MSRB3: variants seen among roughly 807,000 people sequenced by gnomAD.
MSRB3 encodes the protein methionine sulfoxide reductase B3, also known as methionine-R-sulfoxide reductase B3.
Under a neutral mutation model 21.0 loss-of-function variants are expected in MSRB3, and 13 were observed. The observed-to-expected ratio is 0.62, with a 90% CI of 0.40 to 0.98. MSRB3 has a LOEUF of 0.98. Among genes scored for constraint, MSRB3 ranks in the 50% least tolerant of loss-of-function variants. The probability of loss-of-function intolerance (pLI) is 0.00; values close to 1 mark genes in which losing one functional copy is unlikely to be tolerated. For synonymous variants in MSRB3, 87 were observed against 88.6 expected, an observed-to-expected ratio of 0.98 and a Z score of 0.10; for missense variants, 199 against 230.3, an observed-to-expected ratio of 0.86 and a Z score of 0.88.
intron 4 of MSRB3, among the ~76,000 whole-genome samples, chr12:65,348,228 G>C (rs562157267): frequency 1.3e-5 from 2 of 152,162 alleles, no homozygotes; most frequent in East Asian, 3.9e-4. Flanking sequence ...ACTTTTTTTG[G>C]TTGGTAAGCT....
intron 4 of MSRB3, among the ~76,000 whole-genome samples, chr12:65,365,397 C>T (rs1411104858): frequency 3.3e-5 from 5 of 152,074 alleles, no homozygotes; most frequent in African/African-American, 7.2e-5. Context: ...ACATGATTCA[C>T]GTGAGCCTTG....
intron 5 of MSRB3, 50 bp from the exon 6 acceptor site, chr12:65,453,678 G>A: frequency 7.6e-7 from 1 of 1,321,878 alleles, no homozygotes; most frequent in African/African-American, 1.5e-5. Context: ...CTAACCCAAG[G>A]CTGTGTATCT....
At chr12:65,418,198 A>G (rs1236194347) in intron 5 of MSRB3, among the ~76,000 whole-genome samples, 2 of 152,162 alleles carry the variant, frequency 1.3e-5, no homozygotes, top group Admixed American at 1.3e-4. Flanking sequence ...TCTGCCTCCC[A>G]GGTTCAAGTG....
chr12:65,348,841 T>C (rs1161835557), intron 4 of MSRB3, among the ~76,000 whole-genome samples: 1 of 152,254 alleles, frequency 6.6e-6, no homozygotes, highest in Non-Finnish European at 1.5e-5. Context: ...CATTTCGTTA[T>C]GTACCCAGTA....
intron 4 of MSRB3, among the ~76,000 whole-genome samples, chr12:65,338,427 G>A (rs1875925830): frequency 1.3e-5 from 2 of 152,224 alleles, no homozygotes; most frequent in Non-Finnish European, 2.9e-5. Context: ...ACTACTCCTG[G>A]AACTTACTTT....
intron 5 of MSRB3, among the ~76,000 whole-genome samples, chr12:65,412,601 G>T (rs539340473): frequency 6.6e-6 from 1 of 152,104 alleles, no homozygotes; most frequent in African/African-American, 2.4e-5. Flanking sequence ...AGTAGTTGTG[G>T]TTTTTGCCAT....
intron 5 of MSRB3, among the ~76,000 whole-genome samples, chr12:65,432,791 C>T (rs945780405): frequency 6.6e-6 from 1 of 151,890 alleles, no homozygotes; most frequent in African/African-American, 2.4e-5. Context: ...GATGCTGGGG[C>T]CACATGTTAG....
chr12:65,347,347 A>G (rs1417773150), intron 4 of MSRB3, among the ~76,000 whole-genome samples: 1 of 152,112 alleles, frequency 6.6e-6, no homozygotes, highest in Admixed American at 6.6e-5. Flanking sequence ...CTTTGAAGCA[A>G]TTGTGAATGG....
At chr12:65,335,555 C>G (rs901853766) in intron 4 of MSRB3, among the ~76,000 whole-genome samples, 1 of 152,210 alleles carries the variant, frequency 6.6e-6, no homozygotes, top group African/African-American at 2.4e-5. Context: ...GCATGCTATT[C>G]TGTTCACCAC....
chr12:65,296,655 C>T (rs1437020081), intron 1 of MSRB3, among the ~76,000 whole-genome samples: 1 of 152,098 alleles, frequency 6.6e-6, no homozygotes, highest in Non-Finnish European at 1.5e-5. Flanking sequence ...TACCCTAGTC[C>T]CTGGGAACTA....
chr12:65,324,259 A>T (rs1349926726), intron 2 of MSRB3, among the ~76,000 whole-genome samples: 2 of 152,218 alleles, frequency 1.3e-5, no homozygotes, highest in African/African-American at 4.8e-5. Context: ...ATTTGTGTGA[A>T]TACTGCTTTA....
At position 65,463,495 on chromosome 12, in the gene MSRB3, A is replaced by G. The variant is rs1476859755; in HGVS notation, c.*173A>G. 2.7e-6 allele frequency: 2 copies of G among 747,094 alleles called. No individual in the cohort carries two copies. The highest frequency in any genetic ancestry group is 2.8e-5 in the Admixed American group (1 of 35,464). 46.3% of individuals were successfully genotyped at this position (747,094 alleles called of 1,614,324 possible). On this transcript the variant is annotated 3_prime_UTR_variant, in exon 7 of 7. Coordinates refer to ENST00000308259, the MANE Select transcript of MSRB3 (RefSeq NM_001031679.3). ...GCCCTGGCCATCCATGTATTTTGCA[A>G]TTGACTAGATCAAGAACTGTTTATA... is the stretch of plus-strand genomic sequence containing the variant.
intron 4 of MSRB3, among the ~76,000 whole-genome samples, chr12:65,351,617 A>G (rs1876999727): frequency 6.7e-6 from 1 of 149,124 alleles, no homozygotes; most frequent in African/African-American, 2.6e-5. Context: ...ACAATAAAAA[A>G]TGATAAAGGG....
intron 5 of MSRB3, chr12:65,419,834 G>T (rs1710157073): frequency 1.3e-6 from 1 of 745,582 alleles, no homozygotes; most frequent in Admixed American, 2.0e-5. Flanking sequence ...CTCCGGCCAG[G>T]CCCCTGGACC....
intron 1 of MSRB3, among the ~76,000 whole-genome samples, chr12:65,305,473 C>T (rs929196869): frequency 6.6e-6 from 1 of 152,058 alleles, no homozygotes; most frequent in African/African-American, 2.4e-5. Context: ...TTTTCATTGC[C>T]AGTTGTGTAG....
At chr12:65,323,504 T>A (rs901790375) in intron 2 of MSRB3, among the ~76,000 whole-genome samples, 15 of 152,208 alleles carry the variant, frequency 9.9e-5, no homozygotes, top group African/African-American at 3.6e-4. Flanking sequence ...ACTTGTGCCT[T>A]CAAAAGACAC....
intron 5 of MSRB3, among the ~76,000 whole-genome samples, chr12:65,405,831 A>G (rs2136613519): frequency 6.6e-6 from 1 of 152,254 alleles, no homozygotes; most frequent in African/African-American, 2.4e-5. Context: ...CCTGATGATT[A>G]GTGATGTTGA....
intron 5 of MSRB3, among the ~76,000 whole-genome samples, chr12:65,420,476 T>C (rs1565883913): frequency 1.3e-5 from 2 of 152,080 alleles, no homozygotes; most frequent in Admixed American, 6.5e-5. Context: ...AATTTTTAAT[T>C]AAAAAAACTT....
Position 65,463,481 on chromosome 12 carries a change from C to T in MSRB3, c.*159C>T. The T allele has an allele frequency of 1.1e-6, 1 of 873,228 alleles. No individual in the cohort carries two copies. Among genetic ancestry groups the T allele is most frequent in the Non-Finnish European group, 1.7e-6 (1 of 583,388 alleles). The allele number at this position is 873,228 out of a possible 1,614,324, so 54.1% of individuals were successfully genotyped here. ...TTGCTTAAACAGAAGCCCTGGCCAT[C>T]CATGTATTTTGCAATTGACTAGATC... is the stretch of plus-strand genomic sequence containing the variant. On this transcript the variant is annotated 3_prime_UTR_variant, in exon 7 of 7. Transcript: ENST00000308259.
Sources: gnomAD v4.1 joint callset for allele counts (sites outside exome capture counted in the v4.1 genomes callset) on GRCh38, gnomAD v4.1.1 for gene constraint, MANE v1.5 for transcripts, NCBI Gene and HGNC (gene_info 2026-07-23, HGNC 2026-07-21) for gene names.